Variants in TRMT13 observed in about 807,000 individuals in gnomAD.
The protein encoded by TRMT13 is tRNA methyltransferase 13.
In TRMT13, 45 loss-of-function variants were observed where a neutral mutation model predicts 55.9. The observed-to-expected ratio is 0.80, with a 90% confidence interval of 0.63 to 1.03. TRMT13 has a LOEUF of 1.03. Among genes scored for constraint, TRMT13 ranks in the 50% least tolerant of loss-of-function variants. The pLI is 0.00. For missense variants in TRMT13, 513 were observed against 563.9 expected, an observed-to-expected ratio of 0.91 and a Z score of 0.91; for synonymous variants, 183 against 196.3, an observed-to-expected ratio of 0.93 and a Z score of 0.57.
chr1:100,143,737 CT>C lies in TRMT13; in HGVS notation c.743-328del, dbSNP rs1390762215. ...AACCTCTGTAGTGCCCTTTTTATACCTTTTCTATTTTTCAGATTATCCAAAG... is the reference window on the plus strand; with the variant it reads ...AACCTCTGTAGTGCCCTTTTTATACCTTTCTATTTTTCAGATTATCCAAAG... On this transcript the variant is annotated intron_variant, in intron 8 of 10. Transcript: ENST00000370141. Among the ~76,000 whole-genome samples, 6 of 152,198 alleles carry C rather than the reference CT, an allele frequency of 3.9e-5. No homozygotes were observed. In the East Asian group the frequency reaches 1.2e-3, roughly 29 times the overall value.
At position 100,150,105 on chromosome 1, in the gene TRMT13, A is replaced by G. The variant is rs1657823198; in HGVS notation, c.*1285A>G. The G allele has an allele frequency of 6.6e-6, 1 of 152,466 alleles. No homozygotes were observed. The allele number at this position is 152,466 out of a possible 1,614,324, so 9.4% of individuals were successfully genotyped here. On this transcript the variant is annotated 3_prime_UTR_variant, in exon 11 of 11. Transcript: ENST00000370141. ...TAAAATGGGGATGATGATGATAACA[A>G]TAATACCTACCTCACAAGGTTGTTG... is the stretch of plus-strand genomic sequence containing the variant.
chr1:100,143,705 CTCAA>C (rs1570743800), intron 8 of TRMT13, among the ~76,000 whole-genome samples: 2 of 152,214 alleles, frequency 1.3e-5, no homozygotes, highest in East Asian at 3.9e-4. Context: ...ACACAAACTC[CTCAA>C]TCAACCTCTG....
At chr1:100,137,134 C>A in intron 3 of TRMT13, 49 bp downstream of exon 3, 1 of 1,438,228 alleles carries the variant, frequency 7.0e-7, no homozygotes. Flanking sequence ...GTATGTAATG[C>A]CTTGGTAGAT....
At position 100,150,494 on chromosome 1, in the gene TRMT13, A is replaced by T. The variant is rs1303498182; in HGVS notation, c.*1674A>T. ...CCAGAAATAAACAATATTCTACAAC[A>T]GGCATAATCTCATTTATGTTTGATA... On this transcript the variant is annotated 3_prime_UTR_variant, in exon 11 of 11. Coordinates refer to ENST00000370141, the MANE Select transcript of TRMT13 (RefSeq NM_019083.3). The T allele has an allele frequency of 6.6e-6, 1 of 152,234 alleles. No individual in the cohort carries two copies. Among genetic ancestry groups the T allele is most frequent in the Non-Finnish European group, 1.5e-5 (1 of 68,040 alleles). 9.4% of individuals were successfully genotyped at this position (152,234 alleles called of 1,614,324 possible).
At position 100,133,287 on chromosome 1, in the gene TRMT13, T is replaced by G. The variant is rs371549030; in HGVS notation, c.119T>G (p.Phe40Cys). The change falls in exon 1 of 11, where the codon TTT becomes TGT. Residue 40 changes from phenylalanine (F) to cysteine (C), a missense_variant. Transcript: ENST00000370141. ...ATGGTGGTGGCCGCAGGGAAAAGAT[T>G]TTGTGGTGAACACGCTGGAGCCGCG... ...CRMVVAAGKR[F>C]CGEHAGAAEE... 2 of 1,613,792 alleles carry G rather than the reference T, an allele frequency of 1.2e-6. No individual in the cohort carries two copies. Among genetic ancestry groups the G allele is most frequent in the Non-Finnish European group, 1.7e-6 (2 of 1,179,942 alleles).
intron 1 of TRMT13, among the ~76,000 whole-genome samples, chr1:100,135,954 C>T (rs1463394629): frequency 6.6e-6 from 1 of 152,096 alleles, no homozygotes; most frequent in African/African-American, 2.4e-5. Flanking sequence ...CATTGTGTTA[C>T]AATTGCCTAC....
intron 3 of TRMT13, 76 bp downstream of exon 3, chr1:100,137,161 A>G (rs1655988650): frequency 3.1e-6 from 4 of 1,274,992 alleles, no homozygotes; most frequent in Non-Finnish European, 1.1e-6. Context: ...CATGGAATGT[A>G]CTTGTTTCAT....
chr1:100,140,610 C>T (rs1656490777), intron 6 of TRMT13, 96 bp downstream of exon 6: 4 of 1,034,620 alleles, frequency 3.9e-6, no homozygotes, highest in Admixed American at 2.3e-5. Context: ...TTTTGTTTAC[C>T]TTTGAGGGTA....
intron 10 of TRMT13, 34 bp downstream of exon 10, chr1:100,148,360 A>C (rs750163557): frequency 6.3e-7 from 1 of 1,574,874 alleles, no homozygotes. Context: ...ATGATACTAA[A>C]GGAGAAATAT....
intron 7 of TRMT13, among the ~76,000 whole-genome samples, chr1:100,141,530 CT>C (rs1164162557): frequency 6.6e-6 from 1 of 152,152 alleles, no homozygotes; most frequent in Admixed American, 6.5e-5. Context: ...CAGGGTCTCA[CT>C]TTGTCGCCCA....
chr1:100,143,843 A>T (rs1379308887), intron 8 of TRMT13, among the ~76,000 whole-genome samples: 1 of 152,192 alleles, frequency 6.6e-6, no homozygotes, highest in Non-Finnish European at 1.5e-5. Context: ...CAGCATTTGT[A>T]TAGAAATCAA....
At chr1:100,147,387 G>A (rs1007990397) in intron 9 of TRMT13, among the ~76,000 whole-genome samples, 2 of 152,146 alleles carry the variant, frequency 1.3e-5, no homozygotes, top group African/African-American at 2.4e-5. Context: ...CTGTTCTGAC[G>A]CCCTCTTTTC....
intron 7 of TRMT13, 122 bp from the exon 8 acceptor site, chr1:100,143,015 A>G: frequency 1.6e-6 from 1 of 626,982 alleles, no homozygotes; most frequent in Non-Finnish European, 2.7e-6. Flanking sequence ...AGAATGTACA[A>G]TCTTAATTTT....
chr1:100,143,046 G>A, intron 7 of TRMT13, 91 bp from the exon 8 acceptor site: 1 of 814,900 alleles, frequency 1.2e-6, no homozygotes, highest in Non-Finnish European at 1.9e-6. Context: ...CTGTTGCTCT[G>A]AATTTTGAAA....
At position 100,148,870 on chromosome 1, in the gene TRMT13, A is replaced by G. The variant is rs1329266103; in HGVS notation, c.*50A>G. Reference sequence around the variant, plus strand: ...TGTCTTCCACCAAAAAAAATTTTTTAATTATATTTTTATATCAAAAAAATA... The same window carrying G: ...TGTCTTCCACCAAAAAAAATTTTTTGATTATATTTTTATATCAAAAAAATA... On this transcript the variant is annotated 3_prime_UTR_variant, in exon 11 of 11. Transcript: ENST00000370141. 7.2e-6 allele frequency: 9 copies of G among 1,242,164 alleles called. No homozygotes were observed. The highest frequency in any genetic ancestry group is 9.4e-6 in the Non-Finnish European group (9 of 961,572). 76.9% of individuals were successfully genotyped at this position (1,242,164 alleles called of 1,614,324 possible). A position where few individuals can be genotyped will look rare whatever the true frequency, so the allele number is the denominator to read the frequency against.
intron 9 of TRMT13, 147 bp downstream of exon 9, chr1:100,144,290 G>C: frequency 1.7e-6 from 1 of 588,528 alleles, no homozygotes; most frequent in Non-Finnish European, 3.0e-6. Flanking sequence ...TGCTTTATTA[G>C]ATGCATAGCT....
At chr1:100,138,692 C>T (rs763399604) in intron 3 of TRMT13, among the ~76,000 whole-genome samples, 1 of 152,006 alleles carries the variant, frequency 6.6e-6, no homozygotes, top group Non-Finnish European at 1.5e-5. Flanking sequence ...TTTGTAGAAA[C>T]AGTACTTTTT....
At chr1:100,134,821 T>G (rs1655590618) in intron 1 of TRMT13, among the ~76,000 whole-genome samples, 1 of 152,236 alleles carries the variant, frequency 6.6e-6, no homozygotes, top group Admixed American at 6.5e-5. Flanking sequence ...ATATTGTCAT[T>G]AGACACTTGA....
chr1:100,140,339 C>G (rs1217859919), intron 5 of TRMT13, 69 bp from the exon 6 acceptor site: 3 of 1,549,822 alleles, frequency 1.9e-6, no homozygotes, highest in Non-Finnish European at 2.7e-6. Flanking sequence ...AAATATGTTA[C>G]TACTATTGTT....
Sources: gnomAD v4.1 joint callset for allele counts (sites outside exome capture counted in the v4.1 genomes callset) on GRCh38, gnomAD v4.1.1 for gene constraint, MANE v1.5 for transcripts, NCBI Gene and HGNC (gene_info 2026-07-23, HGNC 2026-07-21) for gene names.